The following GPC5 variants were observed in gnomAD, a reference collection of about 807,000 sequenced individuals.
The protein encoded by GPC5 is glypican-5.
In GPC5, 47 loss-of-function variants were observed where a neutral mutation model predicts 53.9. The ratio of observed to expected loss-of-function variants is 0.87; its 90% CI spans 0.69 to 1.11. The LOEUF (loss-of-function observed/expected upper bound fraction) is 1.11. Ranked by LOEUF, GPC5 falls within the 50% of genes most tolerant of loss-of-function variation. The probability of loss-of-function intolerance (pLI) is 0.00; values close to 1 mark genes in which losing one functional copy is unlikely to be tolerated. For synonymous variants in GPC5, 286 were observed against 263.3 expected (o/e 1.09, Z -0.84); for missense variants, 748 against 713.1 (o/e 1.05, Z -0.56).
intron 2 of GPC5, among the ~76,000 whole-genome samples, chr13:91,627,552 A>G (rs969695432): frequency 6.6e-6 from 1 of 152,108 alleles, no homozygotes. Context: ...AAGATTTCTC[A>G]GTAGTACAGA....
chr13:91,880,118 T>G (rs1181455311), intron 5 of GPC5, among the ~76,000 whole-genome samples: 4 of 152,076 alleles, frequency 2.6e-5, no homozygotes, highest in Non-Finnish European at 5.9e-5. Context: ...TTAAAATTTT[T>G]TTTAAATAAG....
intron 3 of GPC5, among the ~76,000 whole-genome samples, chr13:91,704,932 T>G (rs1277295859): frequency 6.6e-6 from 1 of 152,208 alleles, no homozygotes; most frequent in East Asian, 1.9e-4. Context: ...TCTTTCTCTT[T>G]AATAAAACTT....
intron 7 of GPC5, among the ~76,000 whole-genome samples, chr13:92,432,716 T>C (rs1177014999): frequency 1.3e-5 from 2 of 152,012 alleles, no homozygotes; most frequent in African/African-American, 4.8e-5. Context: ...TAGTGTTTAC[T>C]TTTTTTAAGT....
intron 7 of GPC5, among the ~76,000 whole-genome samples, chr13:92,724,145 T>G (rs1888574642): frequency 6.6e-6 from 1 of 151,562 alleles, no homozygotes; most frequent in African/African-American, 2.4e-5. Flanking sequence ...TCATAGAAGT[T>G]GAGTTAAAGT....
In GPC5 at chr13:92,220,233, C is replaced by T. The variant is rs182782428; in HGVS notation, c.1561+75244C>T. On this transcript the variant is annotated intron_variant, in intron 7 of 7. Transcript: ENST00000377067. ...ACCAGCCTCTAGTGTAGCCACTCTT[C>T]TGGGTACTGGATATATAAGAGAAAA... Among the ~76,000 whole-genome samples, 416 of 152,084 alleles carry T rather than the reference C, an allele frequency of 2.7e-3. 3 individuals are homozygous for T. Among genetic ancestry groups the T allele is most frequent in the African/African-American group, 9.6e-3 (396 of 41,450 alleles).
At chr13:92,450,313 G>A (rs936900237) in intron 7 of GPC5, among the ~76,000 whole-genome samples, 6 of 152,112 alleles carry the variant, frequency 3.9e-5, no homozygotes, top group Admixed American at 3.3e-4. Context: ...TGGAATATTT[G>A]CATATACATA....
At chr13:91,646,357 CTGTT>C (rs1243451114) in intron 2 of GPC5, among the ~76,000 whole-genome samples, 1 of 151,566 alleles carries the variant, frequency 6.6e-6, no homozygotes, top group Non-Finnish European at 1.5e-5. Context: ...TGTGTTTTTA[CTGTT>C]TGTTGTTATA....
At chr13:92,402,553 C>T (rs1042169686) in intron 7 of GPC5, among the ~76,000 whole-genome samples, 1 of 152,160 alleles carries the variant, frequency 6.6e-6, no homozygotes, top group African/African-American at 2.4e-5. Context: ...AATATCGAAG[C>T]TGTGTTGGGG....
At chr13:91,620,522 A>C (rs2033824633) in intron 2 of GPC5, among the ~76,000 whole-genome samples, 1 of 152,132 alleles carries the variant, frequency 6.6e-6, no homozygotes, top group Non-Finnish European at 1.5e-5. Context: ...ATCATATGGC[A>C]ACCAATCTGT....
At chr13:92,793,996 T>C (rs1041946985) in intron 7 of GPC5, among the ~76,000 whole-genome samples, 4 of 151,968 alleles carry the variant, frequency 2.6e-5, no homozygotes, top group Non-Finnish European at 5.9e-5. Context: ...ACTATTCCAA[T>C]CTACAGAAAA....
At chr13:92,804,366 G>A (rs1877017172) in intron 7 of GPC5, among the ~76,000 whole-genome samples, 2 of 151,888 alleles carry the variant, frequency 1.3e-5, no homozygotes, top group Non-Finnish European at 2.9e-5. Flanking sequence ...TGCAGGTTTG[G>A]TTCTAGACCA....
intron 7 of GPC5, among the ~76,000 whole-genome samples, chr13:92,488,544 A>G (rs537533702): frequency 6.6e-6 from 1 of 152,282 alleles, no homozygotes; most frequent in South Asian, 2.1e-4. Context: ...AATCTATCCA[A>G]AAGGAAGACA....
chr13:92,479,647 T>A (rs962476057), intron 7 of GPC5, among the ~76,000 whole-genome samples: 1 of 152,106 alleles, frequency 6.6e-6, no homozygotes, highest in Non-Finnish European at 1.5e-5. Flanking sequence ...TGTAACAGAA[T>A]GAAATTCAGG....
rs1322806847 is a variant in GPC5, at chr13:92,667,768, A to T, written c.1562-198514A>T. ...TTAATAAGACATATTACATTTTTTA[A>T]AAATTATATCATAATTCATGTGTTG... On this transcript the variant is annotated intron_variant, in intron 7 of 7. Coordinates refer to ENST00000377067, the MANE Select transcript of GPC5 (RefSeq NM_004466.6). 5.9e-5 allele frequency among the ~76,000 whole-genome samples: 9 copies of T among 152,266 alleles called. No individual in the cohort carries two copies. The South Asian group carries it at 8.3e-4, about 14-fold the overall frequency.
intron 2 of GPC5, among the ~76,000 whole-genome samples, chr13:91,572,572 C>A (rs1056935301): frequency 6.6e-6 from 1 of 151,848 alleles, no homozygotes; most frequent in Non-Finnish European, 1.5e-5. Flanking sequence ...AGGTGCCAGG[C>A]TCTTTAAACA....
chr13:92,396,755 C>T (rs1875297772), intron 7 of GPC5, among the ~76,000 whole-genome samples: 1 of 152,184 alleles, frequency 6.6e-6, no homozygotes, highest in African/African-American at 2.4e-5. Context: ...GGAAGCTAAG[C>T]ATTCTATAAT....
At chr13:92,114,703 C>G (rs896171330) in intron 6 of GPC5, among the ~76,000 whole-genome samples, 19 of 152,156 alleles carry the variant, frequency 1.2e-4, no homozygotes, top group African/African-American at 4.6e-4. Context: ...TCCCAGTTTA[C>G]AGAGATAGAG....
chr13:92,188,513 TA>T (rs1446624181), intron 7 of GPC5, among the ~76,000 whole-genome samples: 1 of 152,156 alleles, frequency 6.6e-6, no homozygotes, highest in Non-Finnish European at 1.5e-5. Flanking sequence ...TAAATAGTTT[TA>T]CTCCTATTCA....
At chr13:92,465,212 A>T (rs1211548024) in intron 7 of GPC5, among the ~76,000 whole-genome samples, 2 of 152,082 alleles carry the variant, frequency 1.3e-5, no homozygotes, top group African/African-American at 2.4e-5. Context: ...CATTGCATAA[A>T]AGTGTATGTT....
Sources: gnomAD v4.1 joint callset for allele counts (sites outside exome capture counted in the v4.1 genomes callset) on GRCh38, gnomAD v4.1.1 for gene constraint, MANE v1.5 for transcripts, NCBI Gene and HGNC (gene_info 2026-07-23, HGNC 2026-07-21) for gene names.